Variants in ITPA observed in about 807,000 individuals in gnomAD.
The protein encoded by ITPA is inosine triphosphatase, also known as inosine triphosphate pyrophosphatase.
ITPA carries 29 observed loss-of-function variants against 29.6 expected under a neutral mutation model. The ratio of observed to expected loss-of-function variants is 0.98; its 90% confidence interval spans 0.73 to 1.34. The LOEUF (loss-of-function observed/expected upper bound fraction) is 1.34. Ranked by LOEUF, ITPA falls within the 40% of genes most tolerant of loss-of-function variation. The probability of loss-of-function intolerance (pLI) is 0.00; values close to 1 mark genes in which losing one functional copy is unlikely to be tolerated. For missense variants in ITPA, 241 were observed against 251.5 expected (o/e 0.96, Z 0.28); for synonymous variants, 103 against 99.3 (o/e 1.04, Z -0.22).
intron 1 of ITPA, among the ~76,000 whole-genome samples, chr20:3,212,023 A>G (rs2083513368): frequency 6.6e-6 from 1 of 152,030 alleles, no homozygotes; most frequent in African/African-American, 2.4e-5. Context: ...CTAGCTCTAC[A>G]AATAATTAGC....
rs778293577 is a variant in ITPA at position 3,223,487 on chromosome 20, C to T, written c.*25C>T. The T allele has an allele frequency of 1.9e-6, 3 of 1,578,780 alleles. No individual in the cohort carries two copies. Among genetic ancestry groups the T allele is most frequent in the South Asian group, 1.1e-5 (1 of 88,608 alleles). ...ACTTCTGCAGCTGGAGGAGGCCCCTCAGGCCGGGGATCTGGGGAGGGCTAG... is the reference window on the plus strand; with the variant it reads ...ACTTCTGCAGCTGGAGGAGGCCCCTTAGGCCGGGGATCTGGGGAGGGCTAG... On this transcript the variant is annotated 3_prime_UTR_variant, in exon 8 of 8. Transcript: ENST00000380113.
At chr20:3,204,656 G>A (rs774776584), upstream of ITPA, 2 of 1,554,494 alleles carry the variant, frequency 1.3e-6, no homozygotes, top group Non-Finnish European at 1.7e-6. Flanking sequence ...GAACCACTGC[G>A]TCCACCCTGA....
intron 4 of ITPA, chr20:3,215,070 T>C: frequency 5.2e-6 from 3 of 577,198 alleles, no homozygotes; most frequent in Non-Finnish European, 9.4e-6. Flanking sequence ...TTTTGCTACG[T>C]TGTCCAAGCT....
chr20:3,224,036 G>A (rs1054823948), downstream of ITPA, among the ~76,000 whole-genome samples: 4 of 152,246 alleles, frequency 2.6e-5, no homozygotes, highest in South Asian at 2.1e-4. Context: ...CATGGATTGC[G>A]GGCTGACCTC....
In ITPA at chr20:3,215,490, G is replaced by A. The variant is rs1010371982; in HGVS notation, c.295+178G>A. ...CGTACCCTGTACTCCAGAGAGCACT[G>A]TGTGGGGGAGGGATGATGGGAGCTG... On this transcript the variant is annotated intron_variant, in intron 5 of 7. Transcript: ENST00000380113. 2.0e-5 allele frequency among the ~76,000 whole-genome samples: 3 copies of A among 152,184 alleles called. No individual in the cohort carries two copies. In the East Asian group the frequency reaches 5.8e-4, roughly 29 times the overall value.
chr20:3,224,240 C>T (rs377250259), downstream of ITPA, among the ~76,000 whole-genome samples: 3 of 152,226 alleles, frequency 2.0e-5, no homozygotes, highest in South Asian at 2.1e-4. Flanking sequence ...CTGGAGTCCT[C>T]GACCCCACTC....
At chr20:3,217,171 G>A (rs745896270) in intron 5 of ITPA, among the ~76,000 whole-genome samples, 12 of 152,110 alleles carry the variant, frequency 7.9e-5, no homozygotes, top group Non-Finnish European at 1.6e-4. Context: ...ATGAGTTACC[G>A]CACCCATCCT....
At chr20:3,221,960 C>G in intron 7 of ITPA, 43 bp downstream of exon 7, 2 of 1,591,802 alleles carry the variant, frequency 1.3e-6, no homozygotes, top group Non-Finnish European at 1.7e-6. Flanking sequence ...GGGGTTGGTA[C>G]AGCCATGGTT....
chr20:3,222,412 A>T (rs575731243), intron 7 of ITPA, among the ~76,000 whole-genome samples: 3 of 152,196 alleles, frequency 2.0e-5, no homozygotes. Flanking sequence ...GGGTTTCACC[A>T]TGTTGGCCAG....
chr20:3,216,836 C>T (rs923921218), intron 5 of ITPA, among the ~76,000 whole-genome samples: 4 of 152,110 alleles, frequency 2.6e-5, no homozygotes, highest in Non-Finnish European at 5.9e-5. Context: ...GGTCCCACCT[C>T]GGCCTCCCAA....
At chr20:3,214,150 C>A in intron 4 of ITPA, 92 bp downstream of exon 4, 1 of 1,066,866 alleles carries the variant, frequency 9.4e-7, no homozygotes, top group East Asian at 2.4e-5. Flanking sequence ...CAGGTCATTC[C>A]CTGTCTTAGC....
chr20:3,215,801 T>A (rs1230590590), intron 5 of ITPA, among the ~76,000 whole-genome samples: 1 of 152,156 alleles, frequency 6.6e-6, no homozygotes, highest in Non-Finnish European at 1.5e-5. Flanking sequence ...TTCTCCTGCC[T>A]TAGCCTTCCA....
At chr20:3,215,928 C>T (rs980173516) in intron 5 of ITPA, among the ~76,000 whole-genome samples, 12 of 152,068 alleles carry the variant, frequency 7.9e-5, no homozygotes, top group Non-Finnish European at 8.8e-5. Context: ...TCAAGTGATC[C>T]GCCTACCTTG....
chr20:3,206,753 C>A (rs1344941923), upstream of ITPA, among the ~76,000 whole-genome samples: 1 of 151,542 alleles, frequency 6.6e-6, no homozygotes, highest in Non-Finnish European at 1.5e-5. Flanking sequence ...ATGGTGGGGA[C>A]CCGGGAGGCG....
intron 4 of ITPA, among the ~76,000 whole-genome samples, chr20:3,214,375 T>C (rs1305084926): frequency 2.0e-5 from 3 of 147,524 alleles, no homozygotes; most frequent in Admixed American, 2.0e-4. Context: ...TTTTTTTTTT[T>C]TTTTTTTTGA....
rs757779012 is a variant in ITPA at position 3,209,752 on chromosome 20, C to G, written c.66+135C>G. On this transcript the variant is annotated intron_variant, in intron 1 of 7. Transcript: ENST00000380113. This position sits in a 1 kb window ranked among gnomAD's most constrained non-coding sequence, Gnocchi z 4.6. ...TTCAGCCCGGAAGAATGGGTCCTGA[C>G]CCGGCTGTGTGGAAAAGCTGGGGCG... The G allele has an allele frequency of 7.8e-5, 57 of 729,760 alleles. No individual in the cohort carries two copies. The highest frequency in any genetic ancestry group is 1.2e-4 in the Non-Finnish European group (53 of 444,300). 45.2% of individuals were successfully genotyped at this position (729,760 alleles called of 1,614,324 possible).
At chr20:3,219,368 C>G (rs1403994151) in intron 6 of ITPA, among the ~76,000 whole-genome samples, 1 of 151,506 alleles carries the variant, frequency 6.6e-6, no homozygotes, top group East Asian at 1.9e-4. Context: ...TAGCACTTTG[C>G]GAGGCCCCAG....
In ITPA at chr20:3,209,555, G is replaced by A; in HGVS notation, c.4G>A (p.Ala2Thr). The A allele has an allele frequency of 1.2e-6, 2 of 1,614,116 alleles. No individual in the cohort carries two copies. Among genetic ancestry groups the A allele is most frequent in the Non-Finnish European group, 1.7e-6 (2 of 1,180,002 alleles). Residue 2 changes from alanine to threonine, a missense_variant, in exon 1 of 8, where the codon GCG becomes ACG. Coordinates refer to ENST00000380113, the MANE Select transcript of ITPA (RefSeq NM_033453.4). This position sits in a 1 kb window ranked among gnomAD's most constrained non-coding sequence, Gnocchi z 4.6. Reference protein sequence around the residue: MAASLVGKKIVF... With the variant: MTASLVGKKIVF... ...AGCTGGGTAACCGGGGATCACCATG[G>A]CGGCCTCATTGGTGGGGAAGAAGAT... is the stretch of plus-strand genomic sequence containing the variant.
chr20:3,204,534 T>C (rs1179666059), upstream of ITPA: 18 of 1,558,168 alleles, frequency 1.2e-5, no homozygotes, highest in Non-Finnish European at 1.5e-5. Context: ...CGGCATCTCC[T>C]ACCTGATGCC....
Sources: allele counts gnomAD v4.1 joint callset (sites outside exome capture counted in the v4.1 genomes callset), GRCh38; gene constraint gnomAD v4.1.1; non-coding constraint Gnocchi (gnomAD v3.1); transcripts MANE v1.5; gene names NCBI Gene and HGNC (gene_info 2026-07-23, HGNC 2026-07-21).